The following UBE3D variants were observed in gnomAD, a reference collection of about 807,000 sequenced individuals.
UBE3D encodes E3 ubiquitin-protein ligase E3D.
In UBE3D, 48 loss-of-function variants were observed where a neutral mutation model predicts 49.6. The observed-to-expected ratio is 0.97, with a 90% CI of 0.77 to 1.23. The LOEUF (loss-of-function observed/expected upper bound fraction) is 1.23, where lower values mean the gene tolerates loss of function less well. Ranked by LOEUF, UBE3D falls within the 50% of genes most tolerant of loss-of-function variation. The probability of loss-of-function intolerance (pLI) is 0.00; values close to 1 mark genes in which losing one functional copy is unlikely to be tolerated. For synonymous variants in UBE3D, 189 were observed against 174.2 expected, an observed-to-expected ratio of 1.08 and a Z score of -0.67; for missense variants, 452 against 468.4, an observed-to-expected ratio of 0.96 and a Z score of 0.32.
intron 5 of UBE3D, among the ~76,000 whole-genome samples, chr6:83,033,688 C>T (rs756203510): frequency 6.6e-6 from 1 of 152,152 alleles, no homozygotes; most frequent in Non-Finnish European, 1.5e-5. Context: ...CTAAGGCCTC[C>T]CCCAAACCAG....
intron 9 of UBE3D, among the ~76,000 whole-genome samples, chr6:82,949,132 A>G (rs975368544): frequency 5.3e-5 from 8 of 152,066 alleles, no homozygotes; most frequent in Admixed American, 3.3e-4. Flanking sequence ...AAAGACTTCA[A>G]TGAAAAACTA....
At chr6:83,041,647 G>A (rs975615921) in intron 4 of UBE3D, among the ~76,000 whole-genome samples, 2 of 152,022 alleles carry the variant, frequency 1.3e-5, no homozygotes, top group South Asian at 4.1e-4. Flanking sequence ...TCTTATACTT[G>A]TGAATACTTA....
At chr6:83,061,337 T>C (rs1784156652) in intron 1 of UBE3D, among the ~76,000 whole-genome samples, 3 of 152,220 alleles carry the variant, frequency 2.0e-5, no homozygotes. Context: ...CTTCTGTTAT[T>C]AGGGATATTA....
At chr6:82,995,490 T>A (rs201600139) in intron 8 of UBE3D, among the ~76,000 whole-genome samples, 7 of 138,266 alleles carry the variant, frequency 5.1e-5, no homozygotes, top group East Asian at 2.1e-4. Flanking sequence ...ATACTAACAA[T>A]CACACACACA....
chr6:82,919,619 AAAT>A (rs921532910), intron 9 of UBE3D, among the ~76,000 whole-genome samples: 6 of 151,488 alleles, frequency 4.0e-5, no homozygotes, highest in African/African-American at 7.3e-5. Context: ...AAATAAAATA[AAAT>A]AATAATAATA....
At chr6:82,958,175 A>G (rs959580284) in intron 8 of UBE3D, among the ~76,000 whole-genome samples, 4 of 152,148 alleles carry the variant, frequency 2.6e-5, no homozygotes, top group African/African-American at 9.7e-5. Flanking sequence ...CAATGTGTAG[A>G]AAGTGATATG....
the UBE3D span, among the ~76,000 whole-genome samples, chr6:82,884,533 C>A: frequency 6.6e-5 from 10 of 152,130 alleles, no homozygotes; most frequent in Admixed American, 2.6e-4. Context: ...CTGCTCATTT[C>A]ACCTCATTGT....
chr6:82,929,287 C>T (rs189088912), intron 9 of UBE3D, among the ~76,000 whole-genome samples: 79 of 152,212 alleles, frequency 5.2e-4, no homozygotes, highest in African/African-American at 1.8e-3. Context: ...ATAAAATTCT[C>T]GGTTTTACCA....
At chr6:83,045,565 C>T (rs992810497) in intron 3 of UBE3D, among the ~76,000 whole-genome samples, 1 of 151,942 alleles carries the variant, frequency 6.6e-6, no homozygotes, top group Non-Finnish European at 1.5e-5. Flanking sequence ...GTGTTACTGC[C>T]TTTTATTTTG....
chr6:82,948,842 AC>A (rs1224303952), intron 9 of UBE3D, among the ~76,000 whole-genome samples: 3 of 151,692 alleles, frequency 2.0e-5, no homozygotes, highest in Non-Finnish European at 4.4e-5. Context: ...AAAAACCATT[AC>A]AAAACTGGGT....
chr6:82,935,008 ACT>A (rs1774462658), intron 9 of UBE3D, among the ~76,000 whole-genome samples: 1 of 108,122 alleles, frequency 9.2e-6, no homozygotes, highest in African/African-American at 3.2e-5. Context: ...TGCAAGAATG[ACT>A]CTAATAGTAT....
chr6:82,932,872 T>C (rs971540591), intron 9 of UBE3D, among the ~76,000 whole-genome samples: 2 of 152,166 alleles, frequency 1.3e-5, no homozygotes, highest in South Asian at 2.1e-4. Context: ...CCAGGGGACA[T>C]GCTAGAGCAT....
rs550139016 is a variant in UBE3D, at chr6:82,937,988, C to T, written c.1149+19324G>A. Among the ~76,000 whole-genome samples the T allele has an allele frequency of 1.3e-3, 200 of 150,682 alleles. 1 individual carries two copies. Among genetic ancestry groups the T allele is most frequent in the African/African-American group, 4.2e-3 (174 of 41,110 alleles). Reference sequence around the variant, plus strand: ...CTCTTGGAGAGCACACGGGCGTGTGCGCGCGCACACACACACACAACAACC... The same window carrying T: ...CTCTTGGAGAGCACACGGGCGTGTGTGCGCGCACACACACACACAACAACC... On this transcript the variant is annotated intron_variant, in intron 9 of 9. Coordinates refer to ENST00000369747, the MANE Select transcript of UBE3D (RefSeq NM_198920.3).
At chr6:83,006,506 C>T (rs1779990643) in intron 8 of UBE3D, among the ~76,000 whole-genome samples, 1 of 152,120 alleles carries the variant, frequency 6.6e-6, no homozygotes, top group South Asian at 2.1e-4. Flanking sequence ...TTGACATGTG[C>T]AGGAGGAAAG....
At chr6:82,935,638 G>C (rs1308702364) in intron 9 of UBE3D, among the ~76,000 whole-genome samples, 1 of 152,060 alleles carries the variant, frequency 6.6e-6, no homozygotes, top group Non-Finnish European at 1.5e-5. Flanking sequence ...AGTATATCAA[G>C]CATGAAGATA....
At chr6:82,925,197 CT>C (rs1284440787) in intron 9 of UBE3D, 1 of 152,100 alleles carries the variant, frequency 6.6e-6, no homozygotes, top group Non-Finnish European at 1.5e-5. Context: ...CAAAGTCTAC[CT>C]TAACAATAAA....
intron 9 of UBE3D, among the ~76,000 whole-genome samples, chr6:82,894,368 T>C (rs1371256493): frequency 3.3e-5 from 5 of 152,126 alleles, no homozygotes; most frequent in Admixed American, 3.3e-4. Flanking sequence ...GAACATCCTA[T>C]GACATCCCAC....
chr6:83,016,237 C>G (rs879828277), intron 8 of UBE3D, among the ~76,000 whole-genome samples: 1 of 152,170 alleles, frequency 6.6e-6, no homozygotes, highest in Non-Finnish European at 1.5e-5. Context: ...TTTCTTTCAT[C>G]ACTTTGTCCA....
At chr6:82,936,756 A>G (rs1355191693) in intron 9 of UBE3D, among the ~76,000 whole-genome samples, 5 of 152,186 alleles carry the variant, frequency 3.3e-5, no homozygotes, top group Non-Finnish European at 7.3e-5. Context: ...TGTGACCATC[A>G]CTTCCAACCT....
Sources: allele counts gnomAD v4.1 joint callset (sites outside exome capture counted in the v4.1 genomes callset), GRCh38; gene constraint gnomAD v4.1.1; transcripts MANE v1.5; gene names NCBI Gene and HGNC (gene_info 2026-07-23, HGNC 2026-07-21).